Variants in LIX1 observed in about 807,000 individuals in gnomAD.
The protein encoded by LIX1 is limb and CNS expressed 1.
Under a neutral mutation model 33.4 loss-of-function variants are expected in LIX1, and 24 were observed. The ratio of observed to expected loss-of-function variants is 0.72; its 90% confidence interval spans 0.52 to 1.01. LIX1 has a LOEUF of 1.01. Among genes scored for constraint, LIX1 ranks in the 50% least tolerant of loss-of-function variants. LIX1 has a pLI of 0.00. For synonymous variants in LIX1, 124 were observed against 124.0 expected (o/e 1.00, Z 0.00); for missense variants, 311 against 339.2 (o/e 0.92, Z 0.65).
At chr5:97,100,893 G>GAA (rs11358378) in intron 4 of LIX1, among the ~76,000 whole-genome samples, 1 of 114,112 alleles carries the variant, frequency 8.8e-6, no homozygotes. Flanking sequence ...CTCTGTCTCA[G>GAA]AAAAAAAAAA....
chr5:97,129,110 C>T (rs1580243588), intron 1 of LIX1, among the ~76,000 whole-genome samples: 1 of 152,298 alleles, frequency 6.6e-6, no homozygotes, highest in East Asian at 1.9e-4. Flanking sequence ...TTCCTCACTC[C>T]CTATGCTTCT....
At chr5:97,126,852 A>T (rs1332546957) in intron 1 of LIX1, among the ~76,000 whole-genome samples, 2 of 151,954 alleles carry the variant, frequency 1.3e-5, no homozygotes, top group Non-Finnish European at 2.9e-5. Flanking sequence ...GTTAGCCAGG[A>T]TGGTCTTGAT....
chr5:97,133,316 G>A (rs1748105160), intron 1 of LIX1, among the ~76,000 whole-genome samples: 1 of 152,312 alleles, frequency 6.6e-6, no homozygotes, highest in South Asian at 2.1e-4. Flanking sequence ...ACCACACCAT[G>A]CCTCAGTTCC....
chr5:97,094,685 A>G lies in LIX1; in HGVS notation c.*63T>C. On this transcript the variant is annotated 3_prime_UTR_variant, in exon 6 of 6. Transcript: ENST00000274382. Reference sequence around the variant, plus strand: ...TGCTGGAGCCTCTGAGGACCTCTGCACTGAGATTCCTAATGTTAATCTGGC... The same window carrying G: ...TGCTGGAGCCTCTGAGGACCTCTGCGCTGAGATTCCTAATGTTAATCTGGC... 2 of 1,514,998 alleles carry G rather than the reference A, an allele frequency of 1.3e-6. No individual in the cohort carries two copies. The highest frequency in any genetic ancestry group is 1.8e-6 in the Non-Finnish European group (2 of 1,105,960). 93.8% of individuals were successfully genotyped at this position (1,514,998 alleles called of 1,614,324 possible).
chr5:97,107,404 C>T lies in LIX1; in HGVS notation c.343G>A (p.Glu115Lys), dbSNP rs2112766526. The T allele has an allele frequency of 1.2e-6, 2 of 1,612,588 alleles. No individual in the cohort carries two copies. The highest frequency in any genetic ancestry group is 1.7e-6 in the Non-Finnish European group (2 of 1,179,982). ...NELPSRRITKEFIMESVQEAV... is the reference protein window; with the variant it reads ...NELPSRRITKKFIMESVQEAV... ...TCCTGAACACTTTCCATAATGAATT[C>T]CTTGGTGATCCTGCGAGAGGGCAGC... The change falls in exon 3 of 6, where the codon GAA (glutamate) becomes AAA (lysine). Residue 115 changes from glutamate to lysine, a missense_variant. Coordinates refer to ENST00000274382, the MANE Select transcript of LIX1 (RefSeq NM_153234.5).
rs1407229643 is a variant in LIX1 at position 97,142,266 on chromosome 5, T to C, written c.82+229A>G. ...GCAGGTCTTGGATTGTAGAAGAGAC[T>C]TCTAAGTAGTTAGCAAGATGTATCA... On this transcript the variant is annotated intron_variant, in intron 1 of 5. Coordinates refer to ENST00000274382, the MANE Select transcript of LIX1 (RefSeq NM_153234.5). Among the ~76,000 whole-genome samples, 25 of 152,328 alleles carry C rather than the reference T, an allele frequency of 1.6e-4. No homozygotes were observed. In the South Asian group the frequency reaches 4.8e-3, roughly 29 times the overall value.
At chr5:97,125,775 T>C (rs751592315) in intron 1 of LIX1, among the ~76,000 whole-genome samples, 13 of 152,212 alleles carry the variant, frequency 8.5e-5, no homozygotes, top group Non-Finnish European at 1.9e-4. Flanking sequence ...AACAATCATG[T>C]GGTCTCGAGG....
chr5:97,105,648 G>A (rs190723433), intron 3 of LIX1, among the ~76,000 whole-genome samples: 35 of 152,300 alleles, frequency 2.3e-4, no homozygotes, highest in African/African-American at 6.5e-4. Flanking sequence ...TGATAACCAG[G>A]CAAGATTACA....
Position 97,092,578 on chromosome 5 carries a change from A to G in LIX1, c.*2170T>C, listed in dbSNP as rs1379409605. 6.6e-6 allele frequency: 1 copy of G among 152,372 alleles called. No homozygotes were observed. Among genetic ancestry groups the G allele is most frequent in the African/African-American group, 2.4e-5 (1 of 41,466 alleles). 9.4% of individuals were successfully genotyped at this position (152,372 alleles called of 1,614,324 possible). A position where few individuals can be genotyped will look rare whatever the true frequency, so the allele number is the denominator to read the frequency against. ...TTTGCTGAAGCTTTCATACCATTCCAGGAAGAATGGGCAGTTTTGGCCAGT... is the reference window on the plus strand; with the variant it reads ...TTTGCTGAAGCTTTCATACCATTCCGGGAAGAATGGGCAGTTTTGGCCAGT... On this transcript the variant is annotated 3_prime_UTR_variant, in exon 6 of 6. Transcript: ENST00000274382.
At chr5:97,132,573 G>C (rs1748079690) in intron 1 of LIX1, among the ~76,000 whole-genome samples, 1 of 152,120 alleles carries the variant, frequency 6.6e-6, no homozygotes, top group South Asian at 2.1e-4. Context: ...GATTTGACAA[G>C]AGACAGGGTG....
Position 97,142,532 on chromosome 5 carries a change from G to A in LIX1, c.45C>T (p.Val15=). ...LESLRHIIAQ[V]LPHRDPALVF... ...CTAGAGCCGGATCTCTGTGAGGCAA[G>A]ACTTGGGCAATGATGTGTCTCAGAG... The change falls in exon 1 of 6, where the codon GTC becomes GTT. Residue 15 remains valine (V), a synonymous_variant. Coordinates refer to ENST00000274382, the MANE Select transcript of LIX1 (RefSeq NM_153234.5). 3 of 1,614,084 alleles carry A rather than the reference G, an allele frequency of 1.9e-6. No individual in the cohort carries two copies. The highest frequency in any genetic ancestry group is 2.5e-6 in the Non-Finnish European group (3 of 1,179,924).
At chr5:97,117,506 T>C (rs976963400) in intron 2 of LIX1, among the ~76,000 whole-genome samples, 7 of 152,208 alleles carry the variant, frequency 4.6e-5, no homozygotes, top group African/African-American at 1.4e-4. Flanking sequence ...TTAGTCATTC[T>C]CTACTGGGAA....
chr5:97,130,414 A>G (rs908590881), intron 1 of LIX1, among the ~76,000 whole-genome samples: 1 of 152,224 alleles, frequency 6.6e-6, no homozygotes, highest in African/African-American at 2.4e-5. Context: ...AAGGGAAGGG[A>G]CTTTATCCAC....
chr5:97,133,314 A>G (rs919696556), intron 1 of LIX1, among the ~76,000 whole-genome samples: 2 of 152,190 alleles, frequency 1.3e-5, no homozygotes, highest in Non-Finnish European at 2.9e-5. Flanking sequence ...TAACCACACC[A>G]TGCCTCAGTT....
intron 1 of LIX1, among the ~76,000 whole-genome samples, chr5:97,125,573 A>G (rs1207397454): frequency 6.6e-6 from 1 of 152,220 alleles, no homozygotes; most frequent in African/African-American, 2.4e-5. Context: ...TCCTTGTAGG[A>G]GTGAACTGAA....
At position 97,096,875 on chromosome 5, in the gene LIX1, T is replaced by C; in HGVS notation, c.496A>G (p.Ile166Val). The change falls in exon 5 of 6, where the codon ATT becomes GTT. Residue 166 changes from isoleucine (I) to valine (V), a missense_variant. Coordinates refer to ENST00000274382, the MANE Select transcript of LIX1 (RefSeq NM_153234.5). ...CCATTCCAGTGCAATAGTTGGAAAA[T>C]GGTCATCAGCTCCTACAAAACCCAA... ...TMLEFQELMT[I>V]FQLLHWNGSL... 2 of 1,613,838 alleles carry C rather than the reference T, an allele frequency of 1.2e-6. No individual in the cohort carries two copies. Among genetic ancestry groups the C allele is most frequent in the South Asian group, 1.1e-5 (1 of 91,082 alleles).
Position 97,094,388 on chromosome 5 carries a change from T to G in LIX1, c.*360A>C. 3 of 195,672 alleles carry G rather than the reference T, an allele frequency of 1.5e-5. No homozygotes were observed. Among genetic ancestry groups the G allele is most frequent in the Non-Finnish European group, 1.1e-5 (1 of 95,200 alleles). 12.1% of individuals were successfully genotyped at this position (195,672 alleles called of 1,614,324 possible). On this transcript the variant is annotated 3_prime_UTR_variant, in exon 6 of 6. Transcript: ENST00000274382. ...TTCACCTAATTCTGGCTGCTGTTCA[T>G]TTGGGGAATGCTATATTGGACTATT...
chr5:97,142,466 C>CA (rs761939235), intron 1 of LIX1, 29 bp downstream of exon 1: 3 of 1,562,370 alleles, frequency 1.9e-6, no homozygotes, highest in South Asian at 1.1e-5. Context: ...TCTAAAAAGT[C>CA]AAAAAACTTT....
At chr5:97,106,404 G>A (rs959735086) in intron 3 of LIX1, among the ~76,000 whole-genome samples, 2 of 152,222 alleles carry the variant, frequency 1.3e-5, no homozygotes, top group Non-Finnish European at 2.9e-5. Flanking sequence ...GAAGATTTAT[G>A]AGGGGAAAAG....
Sources: allele counts gnomAD v4.1 joint callset (sites outside exome capture counted in the v4.1 genomes callset), GRCh38; gene constraint gnomAD v4.1.1; transcripts MANE v1.5; gene names NCBI Gene and HGNC (gene_info 2026-07-23, HGNC 2026-07-21).